FOXN3: variants seen among roughly 807,000 people sequenced by gnomAD.
FOXN3 encodes forkhead box protein N3.
In FOXN3, 7 loss-of-function variants were observed where a neutral mutation model predicts 38.4. The ratio of observed to expected loss-of-function variants is 0.18; its 90% CI spans 0.10 to 0.34. The LOEUF (loss-of-function observed/expected upper bound fraction) is 0.34. Among genes scored for constraint, FOXN3 ranks in the 10% least tolerant of loss-of-function variants. FOXN3 has a pLI of 1.00. For synonymous variants in FOXN3, 230 were observed against 242.2 expected, an observed-to-expected ratio of 0.95 and a Z score of 0.47; for missense variants, 456 against 613.4, an observed-to-expected ratio of 0.74 and a Z score of 2.71.
intron 3 of FOXN3, among the ~76,000 whole-genome samples, chr14:89,294,813 T>C (rs767049755): frequency 2.6e-5 from 4 of 152,154 alleles, no homozygotes; most frequent in South Asian, 2.1e-4. Flanking sequence ...GAAATAACCA[T>C]AAAAATGGGC....
chr14:89,178,210 C>T (rs749625491), intron 5 of FOXN3, among the ~76,000 whole-genome samples: 14 of 151,566 alleles, frequency 9.2e-5, no homozygotes, highest in Non-Finnish European at 1.6e-4. Flanking sequence ...AAGTTTTCGC[C>T]ATGTTGCCCA....
intron 4 of FOXN3, among the ~76,000 whole-genome samples, chr14:89,199,934 C>A (rs1596098070): frequency 6.6e-6 from 1 of 151,942 alleles, no homozygotes; most frequent in East Asian, 1.9e-4. Flanking sequence ...ACAACAAAAA[C>A]AACAACAAAA....
intron 1 of FOXN3, among the ~76,000 whole-genome samples, chr14:89,550,585 T>G (rs1454103804): frequency 1.3e-5 from 2 of 152,086 alleles, no homozygotes; most frequent in African/African-American, 4.8e-5. Flanking sequence ...AACAGCACAC[T>G]CTGCACTACA....
At chr14:89,451,100 T>C (rs1220096026) in intron 1 of FOXN3, among the ~76,000 whole-genome samples, 1 of 152,130 alleles carries the variant, frequency 6.6e-6, no homozygotes, top group African/African-American at 2.4e-5. Flanking sequence ...GTGAGAGGAT[T>C]CTGCAAGTAG....
At chr14:89,224,934 T>A (rs1164964227) in intron 4 of FOXN3, among the ~76,000 whole-genome samples, 1 of 151,264 alleles carries the variant, frequency 6.6e-6, no homozygotes, top group Non-Finnish European at 1.5e-5. Flanking sequence ...ATCGAGACCA[T>A]CCTGGCCAAC....
chr14:89,476,321 C>A (rs1893208439), intron 1 of FOXN3, among the ~76,000 whole-genome samples: 1 of 152,154 alleles, frequency 6.6e-6, no homozygotes, highest in South Asian at 2.1e-4. Flanking sequence ...GAATGCCATT[C>A]TCCTTCAAGA....
In FOXN3 at chr14:89,335,151, T is replaced by C. The variant is rs567861957; in HGVS notation, c.680+15521A>G. 1.2e-3 allele frequency among the ~76,000 whole-genome samples: 180 copies of C among 152,056 alleles called. 1 individual carries two copies. Among genetic ancestry groups the C allele is most frequent in the Non-Finnish European group, 2.1e-3 (146 of 67,996 alleles). On this transcript the variant is annotated intron_variant, in intron 3 of 5. Transcript: ENST00000557258. ...TGGTAACTATATGAGGTAATAGATA[T>C]GTTAAACTGTGGTAATCATTTTACA...
intron 4 of FOXN3, among the ~76,000 whole-genome samples, chr14:89,270,791 AG>A (rs1360473071): frequency 1.3e-5 from 2 of 152,152 alleles, no homozygotes; most frequent in African/African-American, 4.8e-5. Context: ...CAGCTCAAAG[AG>A]GGTTAGAAAA....
intron 2 of FOXN3, among the ~76,000 whole-genome samples, chr14:89,388,414 G>C (rs1307848088): frequency 1.3e-5 from 2 of 152,332 alleles, no homozygotes; most frequent in Non-Finnish European, 2.9e-5. Context: ...GTGGGATGCT[G>C]CTGGGTGTGG....
chr14:89,167,624 A>C (rs1214216136), intron 5 of FOXN3, among the ~76,000 whole-genome samples: 1 of 152,250 alleles, frequency 6.6e-6, no homozygotes, highest in East Asian at 1.9e-4. Context: ...CAAGTGGTAG[A>C]AAGACATTTG....
At position 89,498,210 on chromosome 14, in the gene FOXN3, CTTTTTTT is replaced by C. The variant is rs547081117; in HGVS notation, c.-14-85727_-14-85721del. Among the ~76,000 whole-genome samples the C allele has an allele frequency of 6.4e-3, 521 of 81,084 alleles. 4 individuals carry two copies. Among genetic ancestry groups the C allele is most frequent in the African/African-American group, 0.011 (188 of 17,232 alleles). 53.2% of individuals were successfully genotyped at this position (81,084 alleles called of 152,430 possible). On this transcript the variant is annotated intron_variant, in intron 1 of 6. Coordinates refer to the FOXN3 transcript ENST00000345097. The stretch of plus-strand genomic sequence containing the variant: ...TCTGGCTGCTTCTCTCTCTCTCTCT[CTTTTTTT>C]TTTTTTTTTTTTTTTTTGAGATGGA...
At chr14:89,303,519 A>C (rs999700290) in intron 3 of FOXN3, among the ~76,000 whole-genome samples, 19 of 151,362 alleles carry the variant, frequency 1.3e-4, no homozygotes, top group African/African-American at 4.4e-4. Context: ...CAAAAAAAAA[A>C]CTAGCCCTAT....
chr14:89,279,428 G>A (rs1886393893), intron 4 of FOXN3, among the ~76,000 whole-genome samples: 1 of 152,124 alleles, frequency 6.6e-6, no homozygotes, highest in African/African-American at 2.4e-5. Flanking sequence ...CAAAGTGAAT[G>A]AATAAAAATC....
intron 4 of FOXN3, among the ~76,000 whole-genome samples, chr14:89,273,328 G>T (rs1348265905): frequency 6.6e-6 from 1 of 152,228 alleles, no homozygotes; most frequent in Non-Finnish European, 1.5e-5. Context: ...TGGCCTGGAG[G>T]AAGCTCTTAA....
rs561987503 is a variant in FOXN3 at position 89,198,172 on chromosome 14, G to A, written c.746-17366C>T. Among the ~76,000 whole-genome samples the A allele has an allele frequency of 3.3e-5, 5 of 152,224 alleles. No individual in the cohort carries two copies. The South Asian group carries it at 6.2e-4, about 19-fold the overall frequency. ...TACTATGTAGTGAGATGATGGCCGCGTCTGTACTGAACATGTTCAGGCTTT... is the reference window on the plus strand; with the variant it reads ...TACTATGTAGTGAGATGATGGCCGCATCTGTACTGAACATGTTCAGGCTTT... On this transcript the variant is annotated intron_variant, in intron 4 of 5. Transcript: ENST00000557258.
At chr14:89,235,665 T>C (rs1405700158) in intron 4 of FOXN3, among the ~76,000 whole-genome samples, 4 of 152,174 alleles carry the variant, frequency 2.6e-5, no homozygotes, top group Admixed American at 2.0e-4. Flanking sequence ...CTGGATTAGA[T>C]AGTCCAGGTG....
intron 1 of FOXN3, among the ~76,000 whole-genome samples, chr14:89,513,318 T>C (rs994889416): frequency 3.9e-5 from 6 of 151,940 alleles, no homozygotes; most frequent in Non-Finnish European, 7.4e-5. Flanking sequence ...CAGGCTGGAG[T>C]GCAGTGGCCC....
At chr14:89,533,901 T>C (rs1462278693) in intron 1 of FOXN3, among the ~76,000 whole-genome samples, 3 of 151,854 alleles carry the variant, frequency 2.0e-5, no homozygotes, top group Non-Finnish European at 2.9e-5. Flanking sequence ...CGTTCTTCTT[T>C]CTTTGGTTGC....
At chr14:89,606,486 T>G (rs1015182587) in intron 1 of FOXN3, among the ~76,000 whole-genome samples, 26 of 152,240 alleles carry the variant, frequency 1.7e-4, no homozygotes, top group African/African-American at 6.0e-4. Context: ...GAAAAGAGAA[T>G]TATAGGACTT....
Sources: allele counts gnomAD v4.1 joint callset (sites outside exome capture counted in the v4.1 genomes callset), GRCh38; gene constraint gnomAD v4.1.1; transcripts MANE v1.5; gene names NCBI Gene and HGNC (gene_info 2026-07-23, HGNC 2026-07-21).